The following TRPM7 variants were observed in gnomAD, a reference collection of about 807,000 sequenced individuals.
The protein encoded by TRPM7 is LTRPC ion channel family member 7.
In TRPM7, 134 loss-of-function variants were observed where a neutral mutation model predicts 229.7. That is an observed-to-expected ratio of 0.58 (90% CI 0.51 to 0.67). TRPM7 has a LOEUF of 0.67. TRPM7 is among the 30% of genes least tolerant of loss of function. The probability of loss-of-function intolerance (pLI) is 0.00; values close to 1 mark genes in which losing one functional copy is unlikely to be tolerated. For synonymous variants in TRPM7, 699 were observed against 715.2 expected (o/e 0.98, Z 0.36); for missense variants, 1,901 against 2,210.0 (o/e 0.86, Z 2.80).
intron 3 of TRPM7, among the ~76,000 whole-genome samples, chr15:50,649,123 A>C: frequency 6.6e-6 from 1 of 152,198 alleles, no homozygotes; most frequent in East Asian, 1.9e-4. Context: ...AGGCATCTAC[A>C]AAACATGGCA....
chr15:50,651,350 A>C (rs903611225), intron 3 of TRPM7, among the ~76,000 whole-genome samples: 1 of 152,248 alleles, frequency 6.6e-6, no homozygotes, highest in Non-Finnish European at 1.5e-5. Flanking sequence ...TCCAACTATT[A>C]AGACCATGCT....
At chr15:50,649,792 T>A (rs2061366250) in intron 3 of TRPM7, among the ~76,000 whole-genome samples, 1 of 152,080 alleles carries the variant, frequency 6.6e-6, no homozygotes, top group Admixed American at 6.6e-5. Flanking sequence ...GATGAGAGTT[T>A]GAGGAAGCCA....
At chr15:50,607,387 A>T in intron 19 of TRPM7, 59 bp from the exon 20 acceptor site, 2 of 1,387,050 alleles carry the variant, frequency 1.4e-6, no homozygotes, top group South Asian at 3.0e-5. Context: ...TCTTTTAATT[A>T]TGAACATTTT....
At chr15:50,679,313 C>T (rs1275191253) in intron 1 of TRPM7, among the ~76,000 whole-genome samples, 1 of 144,300 alleles carries the variant, frequency 6.9e-6, no homozygotes, top group Non-Finnish European at 1.5e-5. Context: ...CTGACATGGG[C>T]AACAGAGCAA....
intron 12 of TRPM7, 39 bp downstream of exon 12, chr15:50,624,127 A>G (rs1173299533): frequency 4.5e-6 from 7 of 1,567,872 alleles, no homozygotes; most frequent in African/African-American, 1.4e-5. Flanking sequence ...TTCCCAAAAG[A>G]TAAAATGTAG....
chr15:50,593,370 C>T (rs1416267095), intron 25 of TRPM7, among the ~76,000 whole-genome samples: 1 of 151,994 alleles, frequency 6.6e-6, no homozygotes, highest in African/African-American at 2.4e-5. Context: ...TTTTACTTTT[C>T]TCCCTCCAAA....
At position 50,563,432 on chromosome 15, in the gene TRPM7, T is replaced by C. The variant is rs539637338; in HGVS notation, c.5468-1624A>G. Among the ~76,000 whole-genome samples, 20 of 152,328 alleles carry C rather than the reference T, an allele frequency of 1.3e-4. No homozygotes were observed. The South Asian group carries it at 3.7e-3, about 28-fold the overall frequency. ...GTTTCAAGAACTATTCTGATGACTA[T>C]GAAAACTCTTGTGAGAGGATGGGTG... On this transcript the variant is annotated intron_variant, in intron 38 of 38. Transcript: ENST00000646667.
At chr15:50,631,576 G>T in intron 9 of TRPM7, 87 bp from the exon 10 acceptor site, 2 of 750,152 alleles carry the variant, frequency 2.7e-6, no homozygotes, top group Non-Finnish European at 4.5e-6. Context: ...ACTATATGGG[G>T]GGCAAAATAT....
At chr15:50,632,743 G>T in intron 9 of TRPM7, 126 bp downstream of exon 9, 1 of 898,266 alleles carries the variant, frequency 1.1e-6, no homozygotes, top group Non-Finnish European at 1.6e-6. Flanking sequence ...ATATTTTTAT[G>T]GTTAATAAAG....
intron 38 of TRPM7, among the ~76,000 whole-genome samples, chr15:50,569,359 C>T (rs570739485): frequency 3.1e-4 from 47 of 152,200 alleles, no homozygotes; most frequent in African/African-American, 1.1e-3. Flanking sequence ...AGTTCCTGTT[C>T]CTGCTTGATC....
intron 1 of TRPM7, among the ~76,000 whole-genome samples, chr15:50,673,850 A>C (rs971833842): frequency 1.3e-5 from 2 of 152,190 alleles, no homozygotes; most frequent in African/African-American, 4.8e-5. Flanking sequence ...TGTTTCCCAT[A>C]GTGGTTGTAC....
chr15:50,576,301 G>A (rs1392989628), intron 31 of TRPM7, among the ~76,000 whole-genome samples: 1 of 152,120 alleles, frequency 6.6e-6, no homozygotes, highest in South Asian at 2.1e-4. Context: ...TGAACTTCTG[G>A]AATGTGAAAC....
chr15:50,671,667 A>G (rs763323240), intron 1 of TRPM7, among the ~76,000 whole-genome samples: 141 of 152,112 alleles, frequency 9.3e-4, no homozygotes, highest in Middle Eastern at 3.4e-3. Flanking sequence ...TTAATTAGCC[A>G]AGCATGTTGG....
In TRPM7 at chr15:50,611,206, T is replaced by C; in HGVS notation, c.2167A>G (p.Lys723Glu). Residue 723 changes from lysine (K) to glutamate (E), a missense_variant, in exon 17 of 39, where the codon AAG becomes GAG. This residue lies in a region of TRPM7 where 794 missense variants were observed against 881.9 expected (regional missense o/e 0.90). Transcript: ENST00000646667. ...LKNWSNSTCLKLAVSSRLRPF... is the reference protein window; with the variant it reads ...LKNWSNSTCLELAVSSRLRPF... Reference sequence around the variant, plus strand: ...CTAAGTCTTGAAGAAACTGCTAACTTAAGGCAGGTTGAATTACTCCAGTTC... The same window carrying C: ...CTAAGTCTTGAAGAAACTGCTAACTCAAGGCAGGTTGAATTACTCCAGTTC... 6.2e-7 allele frequency: 1 copy of C among 1,613,972 alleles called. No individual in the cohort carries two copies.
intron 26 of TRPM7, among the ~76,000 whole-genome samples, chr15:50,590,896 C>T (rs1422462934): frequency 6.6e-6 from 1 of 151,854 alleles, no homozygotes; most frequent in Non-Finnish European, 1.5e-5. Context: ...GAGTGAATCC[C>T]ATATAGCCTA....
intron 1 of TRPM7, among the ~76,000 whole-genome samples, chr15:50,678,799 GCAAGAGGACCACTTAAGCCCAGGAGTT>G (rs1319014587): frequency 6.6e-6 from 1 of 152,092 alleles, no homozygotes; most frequent in Non-Finnish European, 1.5e-5. Context: ...GGAGGCCAAG[GCAAGAGGACCACTTAAGCCCAGGAGTT>G]CAAGATCAAC....
At chr15:50,603,400 T>C (rs1354619799) in intron 21 of TRPM7, among the ~76,000 whole-genome samples, 1 of 152,002 alleles carries the variant, frequency 6.6e-6, no homozygotes, top group African/African-American at 2.4e-5. Flanking sequence ...ATGTGCCATG[T>C]TGGTGTGCTG....
chr15:50,677,754 AAAAAAAC>A (rs1280405500), intron 1 of TRPM7, among the ~76,000 whole-genome samples: 7 of 150,150 alleles, frequency 4.7e-5, no homozygotes, highest in Non-Finnish European at 7.4e-5. Context: ...AAAAAAAAAA[AAAAAAAC>A]AAAAGGTAAC....
At chr15:50,581,888 T>C (rs2054431680) in intron 29 of TRPM7, among the ~76,000 whole-genome samples, 1 of 152,178 alleles carries the variant, frequency 6.6e-6, no homozygotes, top group South Asian at 2.1e-4. Context: ...TTTTTTTTTT[T>C]ACTTTAATCT....
Sources: allele counts gnomAD v4.1 joint callset (sites outside exome capture counted in the v4.1 genomes callset), GRCh38; gene constraint gnomAD v4.1.1; regional missense constraint gnomAD v4.1.1; transcripts MANE v1.5; gene names NCBI Gene and HGNC (gene_info 2026-07-23, HGNC 2026-07-21).